Variants in PPP2R3C observed in about 807,000 individuals in gnomAD.
PPP2R3C encodes the protein protein phosphatase 2 regulatory subunit B''gamma.
A neutral mutation model predicts 63.7 loss-of-function variants in PPP2R3C; 47 were observed. That is an observed-to-expected ratio of 0.74 (90% confidence interval 0.58 to 0.94). The LOEUF (loss-of-function observed/expected upper bound fraction) is 0.94. PPP2R3C is among the 40% of genes least tolerant of loss of function. The probability of loss-of-function intolerance (pLI) is 0.00; values close to 1 mark genes in which losing one functional copy is unlikely to be tolerated. For missense variants in PPP2R3C, 421 were observed against 518.4 expected, an observed-to-expected ratio of 0.81 and a Z score of 1.82; for synonymous variants, 180 against 177.4, an observed-to-expected ratio of 1.01 and a Z score of -0.12.
rs914955161 is a variant in PPP2R3C, at chr14:35,095,127, G to T, written c.896C>A (p.Ser299Ter). ...HNGMLSKEEL[S>*]RYGTATMTNV... ...GGTCATGGTAGCTGTTCCATAGCGT[G>T]AGAGTTCTTCTTTACTGAGCATGCC... is the stretch of plus-strand genomic sequence containing the variant. Residue 299 changes from serine to a stop codon, truncating the protein, a stop_gained, in exon 10 of 13, where the codon TCA (serine) becomes TAA (stop). Coordinates refer to ENST00000261475, the MANE Select transcript of PPP2R3C (RefSeq NM_017917.4). LOFTEE classifies it high-confidence loss of function. The T allele has an allele frequency of 9.3e-6, 15 of 1,612,492 alleles. No individual in the cohort carries two copies. The highest frequency in any genetic ancestry group is 1.3e-5 in the Non-Finnish European group (15 of 1,178,584).
chr14:35,112,756 A>G (rs1469678683), intron 2 of PPP2R3C: 1 of 152,142 alleles, frequency 6.6e-6, no homozygotes, highest in Non-Finnish European at 1.5e-5. Context: ...ACATTTTGCA[A>G]CCTATTCTCT....
chr14:35,119,815 G>C (rs1484729184), intron 1 of PPP2R3C, among the ~76,000 whole-genome samples: 1 of 151,352 alleles, frequency 6.6e-6, no homozygotes, highest in Non-Finnish European at 1.5e-5. Flanking sequence ...TGGTGGACTG[G>C]AGGGACTCTT....
intron 6 of PPP2R3C, among the ~76,000 whole-genome samples, chr14:35,103,520 T>C (rs1420634156): frequency 6.6e-6 from 1 of 152,196 alleles, no homozygotes; most frequent in Non-Finnish European, 1.5e-5. Flanking sequence ...CACTATTTGA[T>C]ATTATCTGCT....
At chr14:35,110,696 C>T (rs763323708) in intron 2 of PPP2R3C, 67 bp from the exon 3 acceptor site, 3 of 1,047,050 alleles carry the variant, frequency 2.9e-6, no homozygotes, top group East Asian at 2.4e-5. Flanking sequence ...ATGTATGTGG[C>T]CTCATAAAAT....
intron 6 of PPP2R3C, chr14:35,101,013 T>TC (rs2046170083): frequency 6.6e-6 from 1 of 152,196 alleles, no homozygotes; most frequent in African/African-American, 2.4e-5. Context: ...TCTTGCTCTG[T>TC]CACCCAGACT....
Position 35,099,233 on chromosome 14 carries a change from A to ATTAAC in PPP2R3C, c.706+18_706+19insGTTAA. ...ATAATATCCTCATAATATCTAAGTT[A>ATTAAC]GATAAGATTTTCTTTTACCTGTTCT... On this transcript the variant is annotated intron_variant, in intron 7 of 12. Coordinates refer to ENST00000261475, the MANE Select transcript of PPP2R3C (RefSeq NM_017917.4). 1 of 1,539,376 alleles carries ATTAAC rather than the reference A, an allele frequency of 6.5e-7. No homozygotes were observed. The highest frequency in any genetic ancestry group is 8.7e-7 in the Non-Finnish European group (1 of 1,151,692).
chr14:35,089,739 C>G (rs1190171977), intron 11 of PPP2R3C, among the ~76,000 whole-genome samples: 3 of 152,054 alleles, frequency 2.0e-5, no homozygotes, highest in South Asian at 2.1e-4. Flanking sequence ...AATCTCGGCT[C>G]ACTGCAAGCT....
Position 35,109,854 on chromosome 14 carries a change from A to G in PPP2R3C, c.369T>C (p.Phe123=), listed in dbSNP as rs1413328399. ...GEEAMINYEN[F]LKVGEKAGAK... is the part of the protein sequence containing the mutation. ...CTCCAGCCTTTTCACCAACCTTCAAAAAGTTTTCGTAATTGATCATCGCTT... is the reference window on the plus strand; with the variant it reads ...CTCCAGCCTTTTCACCAACCTTCAAGAAGTTTTCGTAATTGATCATCGCTT... The change falls in exon 4 of 13, where the codon TTT becomes TTC. Residue 123 remains phenylalanine (F), a synonymous_variant. Transcript: ENST00000261475. 3 of 1,609,446 alleles carry G rather than the reference A, an allele frequency of 1.9e-6. No individual in the cohort carries two copies. The highest frequency in any genetic ancestry group is 2.6e-6 in the Non-Finnish European group (3 of 1,176,140).
At position 35,108,256 on chromosome 14, in the gene PPP2R3C, AT is replaced by A; in HGVS notation, c.405-21del. ...AATTGCCTAAGAAAAGAAAATAAAG[AT>A]TTAAATGATCTGCCAACATAAAAGA... On this transcript the variant is annotated intron_variant, in intron 4 of 12. Coordinates refer to ENST00000261475, the MANE Select transcript of PPP2R3C (RefSeq NM_017917.4). 1 of 1,557,968 alleles carries A rather than the reference AT, an allele frequency of 6.4e-7. No individual in the cohort carries two copies.
chr14:35,110,335 C>G (rs2046509944), intron 3 of PPP2R3C, 190 bp downstream of exon 3: 1 of 520,180 alleles, frequency 1.9e-6, no homozygotes, highest in Non-Finnish European at 3.4e-6. Flanking sequence ...AAATAACAAA[C>G]AACACTATGT....
chr14:35,086,915 G>A (rs80031420), intron 12 of PPP2R3C: 27,196 of 151,730 alleles, frequency 0.18, 2,592 homozygotes, highest in East Asian at 0.37. Flanking sequence ...CTCCTGTCTT[G>A]ACCTCCCAAA....
intron 1 of PPP2R3C, among the ~76,000 whole-genome samples, chr14:35,121,243 T>TGG (rs1008185573): frequency 9.2e-5 from 14 of 152,160 alleles, no homozygotes; most frequent in African/African-American, 3.1e-4. Context: ...CGGCCGTGGT[T>TGG]GCGCGCGCTT....
intron 11 of PPP2R3C, among the ~76,000 whole-genome samples, chr14:35,088,646 A>G (rs751934208): frequency 6.6e-6 from 1 of 152,206 alleles, no homozygotes. Context: ...ACTAATAATC[A>G]GAGTATCCAT....
rs1297871703 is a variant in PPP2R3C at position 35,090,806 on chromosome 14, C to T, written c.1113+264G>A. Among the ~76,000 whole-genome samples the T allele has an allele frequency of 5.3e-5, 8 of 150,416 alleles. No homozygotes were observed. In the Admixed American group the frequency reaches 5.3e-4, roughly 10 times the overall value. ...TCTCGGCTCACTGCAAACTCTGCCT[C>T]CCGGGTTCACGCCATTCTCCTGCCT... On this transcript the variant is annotated intron_variant, in intron 11 of 12. Transcript: ENST00000261475.
intron 6 of PPP2R3C, among the ~76,000 whole-genome samples, chr14:35,103,692 AAAG>A (rs2046263331): frequency 6.6e-6 from 1 of 152,194 alleles, no homozygotes; most frequent in South Asian, 2.1e-4. Context: ...AAAAGAAAAA[AAAG>A]AAATCTGGGC....
At chr14:35,097,627 C>T (rs770391493) in intron 7 of PPP2R3C, among the ~76,000 whole-genome samples, 7 of 151,828 alleles carry the variant, frequency 4.6e-5, no homozygotes, top group Non-Finnish European at 8.8e-5. Context: ...GGAATACAGG[C>T]ACCCACCACC....
At chr14:35,109,996 A>G (rs2046497920) in intron 3 of PPP2R3C, 65 bp from the exon 4 acceptor site, 2 of 1,194,396 alleles carry the variant, frequency 1.7e-6, no homozygotes, top group African/African-American at 3.1e-5. Flanking sequence ...ATATGTAGTT[A>G]AATGTGTGCT....
In PPP2R3C at chr14:35,095,093, G is replaced by C. The variant is rs756749183; in HGVS notation, c.930C>G (p.Phe310Leu). The C allele has an allele frequency of 6.2e-7, 1 of 1,608,178 alleles. No individual in the cohort carries two copies. Among genetic ancestry groups the C allele is most frequent in the Admixed American group, 1.7e-5 (1 of 60,014 alleles). Residue 310 changes from phenylalanine to leucine, a missense_variant, in exon 10 of 13, where the codon TTC becomes TTG. This residue lies in a region of PPP2R3C where 231 missense variants were observed against 264.8 expected (regional missense o/e 0.87). Transcript: ENST00000261475. ...GACACTCCTGGAAAACACGGTCTAA[G>C]AAGACATTGGTCATGGTAGCTGTTC... ...RYGTATMTNV[F>L]LDRVFQECLT...
At position 35,095,199 on chromosome 14, in the gene PPP2R3C, T is replaced by C. The variant is rs1460601324; in HGVS notation, c.839-15A>G. On this transcript the variant is annotated splice_polypyrimidine_tract_variant and intron_variant, in intron 9 of 12. Transcript: ENST00000261475. ...CAAGTACTGGCCTTGGGAAGAAAAATAATAAAGACACTTATGACCACAATA... is the reference window on the plus strand; with the variant it reads ...CAAGTACTGGCCTTGGGAAGAAAAACAATAAAGACACTTATGACCACAATA... 4 of 1,607,206 alleles carry C rather than the reference T, an allele frequency of 2.5e-6. No homozygotes were observed. Among genetic ancestry groups the C allele is most frequent in the African/African-American group, 1.3e-5 (1 of 74,568 alleles).
Sources: gnomAD v4.1 joint callset for allele counts (sites outside exome capture counted in the v4.1 genomes callset) on GRCh38, gnomAD v4.1.1 for gene constraint, gnomAD v4.1.1 regional missense constraint, MANE v1.5 for transcripts, NCBI Gene and HGNC (gene_info 2026-07-23, HGNC 2026-07-21) for gene names.